RGS6: variants seen among roughly 807,000 people sequenced by gnomAD.
The protein encoded by RGS6 is regulator of G protein signaling 6.
RGS6 carries 30 observed loss-of-function variants against 78.5 expected under a neutral mutation model. The observed-to-expected ratio is 0.38, with a 90% CI of 0.29 to 0.52. The LOEUF (loss-of-function observed/expected upper bound fraction) is 0.52, where lower values mean the gene tolerates loss of function less well. Ranked by LOEUF, RGS6 falls within the 20% of genes least tolerant of loss-of-function variation. RGS6 has a pLI of 0.85. For synonymous variants in RGS6, 206 were observed against 206.0 expected (o/e 1.00, Z 0.00); for missense variants, 495 against 609.7 (o/e 0.81, Z 1.98).
intron 2 of RGS6, among the ~76,000 whole-genome samples, chr14:72,312,118 G>T (rs10145775): frequency 6.6e-6 from 1 of 152,056 alleles, no homozygotes; most frequent in Non-Finnish European, 1.5e-5. Context: ...CTCATTCTGC[G>T]CAAGGATCGC....
At chr14:72,238,804 C>T (rs1445406910) in intron 2 of RGS6, among the ~76,000 whole-genome samples, 2 of 152,178 alleles carry the variant, frequency 1.3e-5, no homozygotes, top group African/African-American at 4.8e-5. Context: ...TTCTGCAACA[C>T]ATGAAAACTT....
At chr14:72,363,855 A>G (rs1417774398) in intron 3 of RGS6, among the ~76,000 whole-genome samples, 1 of 152,134 alleles carries the variant, frequency 6.6e-6, no homozygotes, top group Admixed American at 6.5e-5. Context: ...CAAGATGTGC[A>G]GATGTGTGAA....
chr14:72,501,396 G>A (rs1566993986), intron 13 of RGS6, among the ~76,000 whole-genome samples: 1 of 131,298 alleles, frequency 7.6e-6, no homozygotes, highest in South Asian at 2.2e-4. Flanking sequence ...ATATTCAGAG[G>A]GGAAAAAAAG....
chr14:72,494,866 A>T (rs559534450), intron 12 of RGS6, among the ~76,000 whole-genome samples: 5 of 152,304 alleles, frequency 3.3e-5, no homozygotes, highest in African/African-American at 1.2e-4. Context: ...AGGCTAGCAT[A>T]ACCAGGGAGA....
chr14:71,923,445 G>A, the RGS6 span, among the ~76,000 whole-genome samples: 1 of 151,702 alleles, frequency 6.6e-6, no homozygotes, highest in Admixed American at 6.6e-5. Context: ...GATAGAGCTG[G>A]CATGGTGGTG....
intron 3 of RGS6, among the ~76,000 whole-genome samples, chr14:72,402,579 G>T (rs2087750870): frequency 6.6e-6 from 1 of 151,830 alleles, no homozygotes; most frequent in Non-Finnish European, 1.5e-5. Context: ...AGTTAGAACG[G>T]CTATGATCAA....
intron 2 of RGS6, among the ~76,000 whole-genome samples, chr14:72,172,250 A>G (rs2097031988): frequency 6.6e-6 from 1 of 151,010 alleles, no homozygotes. Flanking sequence ...CTCACTCAGC[A>G]GTCCTTTCGA....
At chr14:72,207,799 C>T (rs967933656) in intron 2 of RGS6, among the ~76,000 whole-genome samples, 2 of 152,172 alleles carry the variant, frequency 1.3e-5, no homozygotes, top group Non-Finnish European at 2.9e-5. Context: ...CAAAACAGTT[C>T]ATTGTGTGTG....
At chr14:72,109,031 A>G (rs759000649) in intron 2 of RGS6, among the ~76,000 whole-genome samples, 10 of 152,096 alleles carry the variant, frequency 6.6e-5, no homozygotes, top group Admixed American at 1.3e-4. Flanking sequence ...TTCTAACTTC[A>G]TAGAGCTCTG....
At chr14:72,542,565 A>G (rs914169665) in intron 17 of RGS6, among the ~76,000 whole-genome samples, 2 of 152,244 alleles carry the variant, frequency 1.3e-5, no homozygotes, top group African/African-American at 4.8e-5. Context: ...AACATGACCC[A>G]TGTCATGGGG....
chr14:72,244,015 T>C (rs2053590214), intron 2 of RGS6, among the ~76,000 whole-genome samples: 1 of 152,202 alleles, frequency 6.6e-6, no homozygotes, highest in Admixed American at 6.5e-5. Flanking sequence ...GTATAGAAGA[T>C]AGAAACAGCA....
chr14:72,478,262 T>G lies in RGS6; in HGVS notation c.793-6T>G, dbSNP rs764231453. The G allele has an allele frequency of 6.2e-7, 1 of 1,608,798 alleles. No individual in the cohort carries two copies. The stretch of plus-strand genomic sequence containing the variant: ...GTCTTAACATCTGTGTTCTCTATTT[T>G]CCCAGATAACATTTTTGAACGCACA... On this transcript the variant is annotated splice_region_variant and splice_polypyrimidine_tract_variant and intron_variant, in intron 11 of 17. Transcript: ENST00000553525.
chr14:72,375,078 A>G (rs933416293), intron 3 of RGS6, among the ~76,000 whole-genome samples: 19 of 152,236 alleles, frequency 1.2e-4, no homozygotes, highest in Non-Finnish European at 2.6e-4. Context: ...GGAAAGGCAG[A>G]AACAAATAAT....
At chr14:72,099,281 T>A (rs929141661) in intron 2 of RGS6, among the ~76,000 whole-genome samples, 4 of 152,082 alleles carry the variant, frequency 2.6e-5, no homozygotes, top group African/African-American at 9.7e-5. Flanking sequence ...TGCCTCAGCC[T>A]CCCGAGTAGC....
chr14:71,939,801 C>A (rs116154516), intron 1 of RGS6, among the ~76,000 whole-genome samples: 1 of 152,334 alleles, frequency 6.6e-6, no homozygotes, highest in East Asian at 1.9e-4. Flanking sequence ...GTGGGAATCA[C>A]CATCCCTGCA....
intron 2 of RGS6, among the ~76,000 whole-genome samples, chr14:72,045,491 T>C (rs546124344): frequency 6.6e-6 from 1 of 152,308 alleles, no homozygotes; most frequent in African/African-American, 2.4e-5. Flanking sequence ...CTGTTGTCTT[T>C]GGGATTCCCT....
At chr14:72,316,548 C>T (rs2070281079) in intron 2 of RGS6, among the ~76,000 whole-genome samples, 1 of 152,158 alleles carries the variant, frequency 6.6e-6, no homozygotes, top group South Asian at 2.1e-4. Flanking sequence ...CATCCATGTC[C>T]CTACAAACGG....
At chr14:72,228,783 C>T (rs151139125) in intron 2 of RGS6, among the ~76,000 whole-genome samples, 3 of 152,318 alleles carry the variant, frequency 2.0e-5, no homozygotes, top group African/African-American at 7.2e-5. Flanking sequence ...CGGTGGCTCA[C>T]GCCTGTAATC....
intron 15 of RGS6, among the ~76,000 whole-genome samples, chr14:72,535,881 T>C (rs2097244639): frequency 6.6e-6 from 1 of 152,180 alleles, no homozygotes; most frequent in Non-Finnish European, 1.5e-5. Flanking sequence ...AACAGTTTGT[T>C]CCTCCTCATT....
Sources: gnomAD v4.1 joint callset for allele counts (sites outside exome capture counted in the v4.1 genomes callset) on GRCh38, gnomAD v4.1.1 for gene constraint, MANE v1.5 for transcripts, NCBI Gene and HGNC (gene_info 2026-07-23, HGNC 2026-07-21) for gene names.